LMLN: variants seen among roughly 807,000 people sequenced by gnomAD.
LMLN encodes leishmanolysin-like peptidase.
LMLN carries 70 observed loss-of-function variants against 92.3 expected under a neutral mutation model. That is an observed-to-expected ratio of 0.76 (90% CI 0.63 to 0.92). LMLN has a LOEUF of 0.92. Ranked by LOEUF, LMLN falls within the 40% of genes least tolerant of loss-of-function variation. The probability of loss-of-function intolerance (pLI) is 0.00; values close to 1 mark genes in which losing one functional copy is unlikely to be tolerated. For synonymous variants in LMLN, 308 were observed against 296.2 expected, an observed-to-expected ratio of 1.04 and a Z score of -0.41; for missense variants, 691 against 814.6, an observed-to-expected ratio of 0.85 and a Z score of 1.85.
chr3:197,963,853 G>A (rs1194763304), intron 1 of LMLN, among the ~76,000 whole-genome samples: 13 of 152,200 alleles, frequency 8.5e-5, no homozygotes, highest in Non-Finnish European at 1.5e-5. Context: ...CTTGCCATTT[G>A]TTCCTGATCT....
At chr3:198,038,648 T>C in exon 16 of LMLN, 1 of 1,613,136 alleles carries the variant, frequency 6.2e-7, no homozygotes, top group Non-Finnish European at 8.5e-7. Flanking sequence ...GCTGGATTTC[T>C]TCTGTGTATA....
At chr3:198,014,761 C>T (rs1166145655) in intron 11 of LMLN, among the ~76,000 whole-genome samples, 1 of 139,330 alleles carries the variant, frequency 7.2e-6, no homozygotes, top group Admixed American at 7.0e-5. Context: ...TTCTCTCCAC[C>T]CTTCAGAGCC....
intron 14 of LMLN, among the ~76,000 whole-genome samples, chr3:198,030,520 T>G (rs1444926936): frequency 6.6e-6 from 1 of 152,218 alleles, no homozygotes; most frequent in Admixed American, 6.5e-5. Context: ...CTCCTTTCAG[T>G]AGAACCAGAT....
At chr3:198,027,946 T>C (rs1209635271) in intron 14 of LMLN, among the ~76,000 whole-genome samples, 1 of 152,212 alleles carries the variant, frequency 6.6e-6, no homozygotes, top group Non-Finnish European at 1.5e-5. Flanking sequence ...TTGTTGTTGT[T>C]GTTGAGGGGT....
chr3:198,041,555 G>A (rs1007594040), exon 16 of LMLN: 3 of 152,138 alleles, frequency 2.0e-5, no homozygotes, highest in Non-Finnish European at 4.4e-5. Flanking sequence ...CCAAAAAAAA[G>A]TCTGAAATCT....
At chr3:197,996,127 C>T (rs372464653) in intron 9 of LMLN, 48 bp from the exon 10 acceptor site, 44 of 1,011,048 alleles carry the variant, frequency 4.4e-5, no homozygotes, top group South Asian at 3.4e-5. Context: ...TGTTATCTTA[C>T]GGTACTTTTG....
chr3:197,994,263 A>G (rs1721958577), intron 9 of LMLN, among the ~76,000 whole-genome samples: 1 of 152,216 alleles, frequency 6.6e-6, no homozygotes, highest in East Asian at 1.9e-4. Flanking sequence ...AAAAACAGAC[A>G]AATGGGATTA....
intron 3 of LMLN, 119 bp from the exon 4 acceptor site, chr3:197,975,910 A>G (rs1721364214): frequency 3.3e-6 from 2 of 606,926 alleles, no homozygotes; most frequent in Non-Finnish European, 5.7e-6. Context: ...TGACTAACTA[A>G]TATCTGTATT....
intron 11 of LMLN, among the ~76,000 whole-genome samples, chr3:198,016,012 A>C (rs1049687219): frequency 3.3e-5 from 5 of 151,932 alleles, no homozygotes; most frequent in African/African-American, 9.7e-5. Context: ...CAGACTGGGC[A>C]ACATGACCCC....
intron 11 of LMLN, among the ~76,000 whole-genome samples, chr3:198,002,401 G>A (rs1228662207): frequency 6.6e-6 from 1 of 151,966 alleles, no homozygotes; most frequent in Non-Finnish European, 1.5e-5. Context: ...GAGTGCTGGG[G>A]TTACAAATGT....
At chr3:197,963,492 G>C (rs2109837232) in intron 1 of LMLN, among the ~76,000 whole-genome samples, 2 of 152,280 alleles carry the variant, frequency 1.3e-5, no homozygotes, top group East Asian at 1.9e-4. Context: ...TGCCCAGCCA[G>C]ATCTTGCATG....
In LMLN at chr3:198,024,372, C is replaced by T. The variant is rs537513513; in HGVS notation, c.1526-286C>T. On this transcript the variant is annotated intron_variant, in intron 13 of 15. Transcript: ENST00000330198. Reference sequence around the variant, plus strand: ...CTGGGACTACAGGCGCCCGCCACCGCGCCCGGCTAATTTTTTGTGTTTTTA... The same window carrying T: ...CTGGGACTACAGGCGCCCGCCACCGTGCCCGGCTAATTTTTTGTGTTTTTA... 4.7e-3 allele frequency among the ~76,000 whole-genome samples: 719 copies of T among 152,068 alleles called. 9 individuals carry two copies. Among genetic ancestry groups the T allele is most frequent in the Middle Eastern group, 6.8e-3 (2 of 294 alleles).
Position 198,035,904 on chromosome 3 carries a change from G to GT in LMLN, c.1728_1729insT (p.Val577CysfsTer27). The GT allele has an allele frequency of 6.2e-7, 1 of 1,614,068 alleles. No homozygotes were observed. The highest frequency in any genetic ancestry group is 2.2e-5 in the East Asian group (1 of 44,874). ...CATATTTGTGTAGTCGGGCTGGGCA[G>GT]GTCCTCCCTGTCAGTATCCAGATGA... On this transcript the variant is annotated frameshift_variant, in exon 15 of 16. Coordinates refer to ENST00000330198, the Ensembl canonical transcript of LMLN. LOFTEE classifies it high-confidence loss of function.
At chr3:198,036,637 G>A (rs1723242302) in intron 15 of LMLN, among the ~76,000 whole-genome samples, 1 of 152,122 alleles carries the variant, frequency 6.6e-6, no homozygotes, top group Non-Finnish European at 1.5e-5. Context: ...GGAGACAGAT[G>A]CCAATTAAAC....
At chr3:197,988,171 A>T (rs1721764206) in intron 8 of LMLN, among the ~76,000 whole-genome samples, 1 of 149,486 alleles carries the variant, frequency 6.7e-6, no homozygotes, top group Non-Finnish European at 1.5e-5. Flanking sequence ...TTTTTTTGAG[A>T]TGGAGTCTCA....
At chr3:197,984,497 T>G (rs1481045011) in intron 7 of LMLN, among the ~76,000 whole-genome samples, 1 of 148,468 alleles carries the variant, frequency 6.7e-6, no homozygotes, top group African/African-American at 2.5e-5. Context: ...CTGCTGCTGT[T>G]TGTTTGTTTT....
chr3:198,022,448 T>G (rs1318304554), intron 13 of LMLN, among the ~76,000 whole-genome samples: 2 of 152,244 alleles, frequency 1.3e-5, no homozygotes, highest in African/African-American at 4.8e-5. Context: ...TTCCATACTT[T>G]ATTACAGACT....
At chr3:198,029,798 A>G (rs957161733) in intron 14 of LMLN, among the ~76,000 whole-genome samples, 3 of 152,108 alleles carry the variant, frequency 2.0e-5, no homozygotes, top group Non-Finnish European at 4.4e-5. Context: ...TTGGGGGTGG[A>G]GGAGTCAGGG....
chr3:197,999,225 C>T (rs761031840), intron 10 of LMLN, 41 bp from the exon 11 acceptor site: 2 of 1,388,070 alleles, frequency 1.4e-6, no homozygotes, highest in Non-Finnish European at 2.1e-6. Context: ...TTAGGAGTTG[C>T]AGAGAATCTA....
Sources: gnomAD v4.1 joint callset for allele counts (sites outside exome capture counted in the v4.1 genomes callset) on GRCh38, gnomAD v4.1.1 for gene constraint, MANE v1.5 for transcripts, NCBI Gene and HGNC (gene_info 2026-07-23, HGNC 2026-07-21) for gene names.